HNF4G: variants seen among roughly 807,000 people sequenced by gnomAD.
HNF4G encodes hepatocyte nuclear factor 4-gamma.
In HNF4G, 21 loss-of-function variants were observed where a neutral mutation model predicts 50.9. The observed-to-expected ratio is 0.41, with a 90% CI of 0.29 to 0.59. The LOEUF (loss-of-function observed/expected upper bound fraction) is 0.59, where lower values mean the gene tolerates loss of function less well. Ranked by LOEUF, HNF4G falls within the 20% of genes least tolerant of loss-of-function variation. The pLI is 0.26. For synonymous variants in HNF4G, 198 were observed against 185.6 expected, an observed-to-expected ratio of 1.07 and a Z score of -0.54; for missense variants, 527 against 559.4, an observed-to-expected ratio of 0.94 and a Z score of 0.58.
In HNF4G at chr8:75,464,037, G is replaced by A. The variant is rs539703637; in HGVS notation, c.-143-26052G>A. ...GATCCACCTGCCTCAACCTCTGAAA[G>A]TGCTGGGATTACAGGTGTGAGCCAC... is the stretch of plus-strand genomic sequence containing the variant. On this transcript the variant is annotated intron_variant, in intron 1 of 10. Coordinates refer to the HNF4G transcript ENST00000354370. Among the ~76,000 whole-genome samples the A allele has an allele frequency of 2.6e-5, 4 of 152,206 alleles. No homozygotes were observed. The South Asian group carries it at 6.2e-4, about 24-fold the overall frequency.
At chr8:75,501,993 C>T (rs1346772989) in intron 2 of HNF4G, among the ~76,000 whole-genome samples, 1 of 152,046 alleles carries the variant, frequency 6.6e-6, no homozygotes, top group Non-Finnish European at 1.5e-5. Context: ...GCTGGTACTA[C>T]AGGCGTGCAC....
chr8:75,538,455 C>G (rs1232011185), upstream of HNF4G, among the ~76,000 whole-genome samples: 1 of 152,124 alleles, frequency 6.6e-6, no homozygotes, highest in East Asian at 1.9e-4. Context: ...TGTTGGGACA[C>G]TCCCGTCAGT....
At chr8:75,468,989 T>C in intron 1 of HNF4G, among the ~76,000 whole-genome samples, 1 of 151,642 alleles carries the variant, frequency 6.6e-6, no homozygotes, top group East Asian at 1.9e-4. Context: ...GACAAAAGAG[T>C]CATAAAACTT....
intron 1 of HNF4G, among the ~76,000 whole-genome samples, chr8:75,479,211 T>A (rs2130652351): frequency 6.6e-6 from 1 of 152,308 alleles, no homozygotes; most frequent in African/African-American, 2.4e-5. Flanking sequence ...TGCTCATCAA[T>A]AGAGGCAAAG....
intron 1 of HNF4G, among the ~76,000 whole-genome samples, chr8:75,473,465 C>G (rs1465427089): frequency 1.3e-5 from 2 of 151,960 alleles, no homozygotes; most frequent in Non-Finnish European, 2.9e-5. Context: ...TGGTTTTAGA[C>G]AAAGGAAATA....
chr8:75,495,167 C>T (rs1812735731), intron 2 of HNF4G, among the ~76,000 whole-genome samples: 1 of 152,174 alleles, frequency 6.6e-6, no homozygotes, highest in African/African-American at 2.4e-5. Context: ...AAAACTTAAA[C>T]TAGTATCCTC....
intron 2 of HNF4G, among the ~76,000 whole-genome samples, chr8:75,529,130 CAAA>C (rs34899143): frequency 0.012 from 1,801 of 148,960 alleles, 29 homozygotes; most frequent in African/African-American, 0.04. Flanking sequence ...ACTAAAAATA[CAAA>C]AAAAAAAATT....
chr8:75,436,530 G>A (rs561695968), intron 1 of HNF4G, among the ~76,000 whole-genome samples: 27 of 152,276 alleles, frequency 1.8e-4, no homozygotes, highest in African/African-American at 6.3e-4. Context: ...AGTAGGGAAA[G>A]GGTAGTTGCC....
chr8:75,467,504 C>CA (rs1226478478), intron 1 of HNF4G, among the ~76,000 whole-genome samples: 1 of 152,028 alleles, frequency 6.6e-6, no homozygotes, highest in Non-Finnish European at 1.5e-5. Context: ...TACTAAAATA[C>CA]AAAAAATCAG....
intron 2 of HNF4G, among the ~76,000 whole-genome samples, chr8:75,514,329 CT>C (rs985841493): frequency 7.4e-5 from 10 of 135,612 alleles, no homozygotes; most frequent in African/African-American, 2.2e-4. Context: ...TTTTCTTTTT[CT>C]TTTTTTTCCT....
intron 1 of HNF4G, among the ~76,000 whole-genome samples, chr8:75,483,724 TA>T (rs1350088565): frequency 6.6e-6 from 1 of 152,204 alleles, no homozygotes; most frequent in Non-Finnish European, 1.5e-5. Flanking sequence ...ATTATTCATT[TA>T]AATAGGATGT....
At chr8:75,471,384 C>G (rs1812108402) in intron 1 of HNF4G, among the ~76,000 whole-genome samples, 1 of 152,042 alleles carries the variant, frequency 6.6e-6, no homozygotes, top group African/African-American at 2.4e-5. Context: ...TTATATAGCT[C>G]TCATATTTGC....
intron 2 of HNF4G, among the ~76,000 whole-genome samples, chr8:75,533,544 T>A (rs1460591704): frequency 6.6e-6 from 1 of 152,004 alleles, no homozygotes; most frequent in Non-Finnish European, 1.5e-5. Context: ...CTTTACCCAC[T>A]GTGTTTAGTT....
At chr8:75,502,012 C>G (rs1340515641) in intron 2 of HNF4G, among the ~76,000 whole-genome samples, 1 of 152,002 alleles carries the variant, frequency 6.6e-6, no homozygotes, top group African/African-American at 2.4e-5. Context: ...ACCACCACGC[C>G]CAGCTAATTT....
intron 3 of HNF4G, among the ~76,000 whole-genome samples, chr8:75,549,187 G>A (rs1256524918): frequency 6.6e-6 from 1 of 152,054 alleles, no homozygotes; most frequent in Non-Finnish European, 1.5e-5. Flanking sequence ...TAAATAAACT[G>A]GAAAGTAATT....
chr8:75,542,948 A>G (rs1806670772), intron 1 of HNF4G, among the ~76,000 whole-genome samples: 1 of 152,106 alleles, frequency 6.6e-6, no homozygotes, highest in South Asian at 2.1e-4. Flanking sequence ...GCACTTTGGG[A>G]TTATAGGTGG....
intron 1 of HNF4G, among the ~76,000 whole-genome samples, chr8:75,470,654 CTA>C (rs34395284): frequency 0.05 from 7,634 of 152,170 alleles, 257 homozygotes; most frequent in Non-Finnish European, 0.072. Flanking sequence ...CAGTGACAGA[CTA>C]CAAAATAGGT....
intron 3 of HNF4G, among the ~76,000 whole-genome samples, chr8:75,549,830 A>T (rs772573963): frequency 6.6e-6 from 1 of 151,852 alleles, no homozygotes; most frequent in African/African-American, 2.4e-5. Context: ...TCATTGTTCA[A>T]TTCCCATCTA....
chr8:75,553,339 C>T, intron 5 of HNF4G, 142 bp downstream of exon 5: 1 of 668,008 alleles, frequency 1.5e-6, no homozygotes, highest in Non-Finnish European at 2.4e-6. Flanking sequence ...ATTGGGTTTC[C>T]TTACCCATTC....
Sources: allele counts gnomAD v4.1 joint callset (sites outside exome capture counted in the v4.1 genomes callset), GRCh38; gene constraint gnomAD v4.1.1; transcripts MANE v1.5; gene names NCBI Gene and HGNC (gene_info 2026-07-23, HGNC 2026-07-21).